Variants in PAK3 observed in about 807,000 individuals in gnomAD.
PAK3 encodes the protein p21 (RAC1) activated kinase 3, also known as serine/threonine-protein kinase PAK 3.
In PAK3, 4 loss-of-function variants were observed where a neutral mutation model predicts 41.0. The observed-to-expected ratio is 0.10, with a 90% CI of 0.05 to 0.22. The LOEUF (loss-of-function observed/expected upper bound fraction) is 0.22. PAK3 is among the 10% of genes least tolerant of loss of function. The pLI is 1.00. For synonymous variants in PAK3, 146 were observed against 139.6 expected, an observed-to-expected ratio of 1.05 and a Z score of -0.32; for missense variants, 205 against 409.9, an observed-to-expected ratio of 0.50 and a Z score of 4.32.
intron 16 of PAK3, among the ~76,000 whole-genome samples, chrX:111,212,100 T>G (rs1351103483): frequency 9.0e-6 from 1 of 111,441 alleles, no homozygotes; most frequent in African/African-American, 3.3e-5. Context: ...CGGGGAAGAT[T>G]GCTGGGTGAG....
intron 11 of PAK3, among the ~76,000 whole-genome samples, chrX:111,191,499 TAA>T (rs985885692): frequency 3.6e-5 from 4 of 111,833 alleles, no homozygotes; most frequent in African/African-American, 9.8e-5. Context: ...GGCTCAATAA[TAA>T]AGTCATGTTG....
At chrX:111,076,093 T>C (rs1569303329) in intron 1 of PAK3, among the ~76,000 whole-genome samples, 1 of 112,179 alleles carries the variant, frequency 8.9e-6, no homozygotes, top group Non-Finnish European at 1.9e-5. Context: ...CACAGGCTCA[T>C]AGGTCTCCAG....
chrX:111,136,817 A>G (rs752252147), intron 5 of PAK3, among the ~76,000 whole-genome samples: 1 of 111,944 alleles, frequency 8.9e-6, no homozygotes, highest in Admixed American at 9.4e-5. Flanking sequence ...TTAAAAATTC[A>G]TTTGCCCAGG....
At chrX:110,995,099 T>C (rs947312320) in intron 1 of PAK3, among the ~76,000 whole-genome samples, 3 of 111,465 alleles carry the variant, frequency 2.7e-5, no homozygotes, top group African/African-American at 9.8e-5. Context: ...CCTCCTTTAA[T>C]TAATAAGTTC....
At position 111,075,095 on chromosome X, in the gene PAK3, G is replaced by GA. The variant is rs1603117334; in HGVS notation, c.-27-47974dup. On this transcript the variant is annotated intron_variant, in intron 1 of 14. Transcript: ENST00000425146. ...AACTCATATTTAAAAGGGAAGCAGA[G>GA]AAAAAAAATGAAAAACTTGAAGCCT... 5.4e-5 allele frequency among the ~76,000 whole-genome samples: 6 copies of GA among 111,242 alleles called. No homozygotes were observed. In the Admixed American group the frequency reaches 5.7e-4, roughly 11 times the overall value.
In PAK3 at chrX:110,985,434, A is replaced by T. The variant is rs953153610; in HGVS notation, c.-28+40806A>T. 3.6e-5 allele frequency among the ~76,000 whole-genome samples: 4 copies of T among 112,403 alleles called. No individual in the cohort carries two copies. In the Admixed American group the frequency reaches 3.8e-4, roughly 11 times the overall value. On this transcript the variant is annotated intron_variant, in intron 1 of 14. Coordinates refer to the PAK3 transcript ENST00000425146. ...CATCATTATGTCTTCATCACCTAGC[A>T]CAGTTCCTGGCATTTAATAGGTGGT...
intron 5 of PAK3, among the ~76,000 whole-genome samples, chrX:111,138,425 C>T (rs932982415): frequency 6.3e-5 from 7 of 111,432 alleles, no homozygotes; most frequent in Non-Finnish European, 9.4e-5. Context: ...AAATACCAAT[C>T]CTATGCTGAT....
At chrX:110,967,032 G>A (rs1033890020) in intron 1 of PAK3, among the ~76,000 whole-genome samples, 1 of 112,060 alleles carries the variant, frequency 8.9e-6, no homozygotes, top group African/African-American at 3.2e-5. Flanking sequence ...TACTCAACAA[G>A]ACCACAGAGA....
chrX:111,194,275 CAA>C, intron 13 of PAK3, 24 bp from the exon 14 acceptor site: 1 of 927,908 alleles, frequency 1.1e-6, no homozygotes, highest in Middle Eastern at 2.6e-4. Context: ...CGTCATAAGG[CAA>C]AGTCTTTTCT....
chrX:110,989,254 C>T (rs2091599733), intron 1 of PAK3, among the ~76,000 whole-genome samples: 1 of 111,898 alleles, frequency 8.9e-6, no homozygotes, highest in African/African-American at 3.3e-5. Context: ...ACTACTCTTA[C>T]CATTTCAAAA....
At chrX:110,982,318 C>A (rs748343333) in intron 1 of PAK3, among the ~76,000 whole-genome samples, 2 of 112,074 alleles carry the variant, frequency 1.8e-5, no homozygotes, top group East Asian at 5.6e-4. Context: ...GGTTTAAATC[C>A]TGGCTTTGCT....
chrX:110,987,554 C>T (rs2091566018), intron 1 of PAK3, among the ~76,000 whole-genome samples: 2 of 112,083 alleles, frequency 1.8e-5, no homozygotes, highest in Non-Finnish European at 3.8e-5. Flanking sequence ...GAGTAAGTTG[C>T]TTCCCCTCTT....
chrX:111,105,919 A>G (rs1455862724), intron 4 of PAK3, among the ~76,000 whole-genome samples: 1 of 112,233 alleles, frequency 8.9e-6, no homozygotes, highest in African/African-American at 3.2e-5. Flanking sequence ...TGACTGACAC[A>G]TATATAGGCT....
chrX:111,163,743 C>G lies in PAK3; in HGVS notation c.766+16C>G. The G allele has an allele frequency of 3.5e-6, 4 of 1,144,390 alleles. No homozygotes were observed. In the Admixed American group the frequency reaches 6.5e-5, roughly 19 times the overall value. The allele number at this position is 1,144,390 out of a possible 1,213,427, so 94.3% of individuals were successfully genotyped here. On this transcript the variant is annotated intron_variant, in intron 10 of 17. Transcript: ENST00000372007. ...GAGAAGCTAAGTGAGTACTTCTTGC[C>G]ATGATTACTTTCTACACGGGAGTGT...
At chrX:110,980,911 C>A (rs1730181436) in intron 1 of PAK3, among the ~76,000 whole-genome samples, 1 of 111,898 alleles carries the variant, frequency 8.9e-6, no homozygotes, top group Admixed American at 9.4e-5. Context: ...CAGATCGTTT[C>A]TTTGTGGTTA....
intron 4 of PAK3, among the ~76,000 whole-genome samples, chrX:111,122,248 T>C (rs1392066177): frequency 1.6e-5 from 1 of 61,712 alleles, no homozygotes. Context: ...AGGGTGAGAC[T>C]CCATCTGAAA....
intron 4 of PAK3, among the ~76,000 whole-genome samples, chrX:111,109,997 T>C (rs1318307083): frequency 8.9e-6 from 1 of 112,456 alleles, no homozygotes; most frequent in Non-Finnish European, 1.9e-5. Context: ...GTCAAGTGAC[T>C]TAATGAATGT....
At chrX:110,982,813 A>T (rs1002513301) in intron 1 of PAK3, among the ~76,000 whole-genome samples, 6 of 110,965 alleles carry the variant, frequency 5.4e-5, no homozygotes, top group African/African-American at 2.0e-4. Flanking sequence ...GCAGACCCCA[A>T]AGACTCATCT....
intron 1 of PAK3, among the ~76,000 whole-genome samples, chrX:110,966,135 AT>A (rs764451501): frequency 9.0e-6 from 1 of 111,717 alleles, no homozygotes; most frequent in Non-Finnish European, 1.9e-5. Context: ...AGAAATGTAT[AT>A]TTTTTTCAAT....
Sources: gnomAD v4.1 joint callset for allele counts (sites outside exome capture counted in the v4.1 genomes callset) on GRCh38, gnomAD v4.1.1 for gene constraint, MANE v1.5 for transcripts, NCBI Gene and HGNC (gene_info 2026-07-23, HGNC 2026-07-21) for gene names.